The following ZNF565 variants were observed in gnomAD, a reference collection of about 807,000 sequenced individuals.
ZNF565 encodes the protein zinc finger protein 565.
In ZNF565, 27 loss-of-function variants were observed where a neutral mutation model predicts 39.4. The observed-to-expected ratio is 0.69, with a 90% CI of 0.51 to 0.95. ZNF565 has a LOEUF of 0.95. Ranked by LOEUF, ZNF565 falls within the 40% of genes least tolerant of loss-of-function variation. ZNF565 has a pLI of 0.00. For synonymous variants in ZNF565, 185 were observed against 216.6 expected (o/e 0.85, Z 1.28); for missense variants, 524 against 621.1 (o/e 0.84, Z 1.66).
intron 1 of ZNF565, among the ~76,000 whole-genome samples, chr19:36,229,194 C>G (rs1475275454): frequency 5.9e-5 from 9 of 152,218 alleles, no homozygotes; most frequent in Admixed American, 2.0e-4. Flanking sequence ...ACTACCTTCT[C>G]TCATCCTTTC....
intron 1 of ZNF565, among the ~76,000 whole-genome samples, chr19:36,204,692 A>G (rs1360963116): frequency 6.6e-6 from 1 of 152,106 alleles, no homozygotes; most frequent in African/African-American, 2.4e-5. Context: ...CAGGGGTTAG[A>G]AAATGAAGGT....
At chr19:36,197,844 C>A (rs1975820779) in intron 2 of ZNF565, among the ~76,000 whole-genome samples, 1 of 151,992 alleles carries the variant, frequency 6.6e-6, no homozygotes, top group African/African-American at 2.4e-5. Context: ...TGGGTATCTA[C>A]CCAAAAGAAA....
At chr19:36,200,198 G>A (rs1039358194) in intron 2 of ZNF565, among the ~76,000 whole-genome samples, 1 of 151,084 alleles carries the variant, frequency 6.6e-6, no homozygotes, top group African/African-American at 2.4e-5. Flanking sequence ...GCTAATTTTT[G>A]TATTTTCAGT....
intron 1 of ZNF565, among the ~76,000 whole-genome samples, chr19:36,208,074 A>G (rs996205719): frequency 3.3e-5 from 5 of 152,220 alleles, no homozygotes; most frequent in African/African-American, 1.2e-4. Context: ...AATATGAGAA[A>G]GAGCAATTTT....
At chr19:36,218,832 A>G (rs898514639), upstream of ZNF565, among the ~76,000 whole-genome samples, 2 of 147,192 alleles carry the variant, frequency 1.4e-5, no homozygotes, top group Non-Finnish European at 3.0e-5. Flanking sequence ...AGGGGGGGAC[A>G]GAGTCTCGGT....
At chr19:36,197,276 A>AAAAC (rs765066072) in intron 2 of ZNF565, among the ~76,000 whole-genome samples, 3 of 151,678 alleles carry the variant, frequency 2.0e-5, no homozygotes, top group African/African-American at 7.3e-5. Context: ...TGTCTCAAAA[A>AAAAC]AAACAAACAA....
intron 1 of ZNF565, among the ~76,000 whole-genome samples, chr19:36,225,663 C>T (rs966458628): frequency 6.6e-6 from 1 of 151,228 alleles, no homozygotes; most frequent in African/African-American, 2.4e-5. Context: ...GTCTTGAACT[C>T]CTGGGCTCAA....
chr19:36,238,922 TAGG>T (rs1977746578), intron 1 of ZNF565: 1 of 153,906 alleles, frequency 6.5e-6, no homozygotes, highest in African/African-American at 2.4e-5. Flanking sequence ...TTAGTTCTCA[TAGG>T]AGCGCGAACC....
rs1034725114 is a variant in ZNF565, at chr19:36,233,734, C to G, written c.55+11742G>C. Among the ~76,000 whole-genome samples the G allele has an allele frequency of 2.6e-5, 4 of 152,338 alleles. 1 individual carries two copies. Among genetic ancestry groups the G allele is most frequent in the Admixed American group, 2.6e-4 (4 of 15,310 alleles). On this transcript the variant is annotated intron_variant, in intron 1 of 4. Transcript: ENST00000355114. ...CCTTAAAGAGCAGTGTTGCTGCCAG[C>G]ATGTCCCACCTCCAGCCCTAAGGCG... is the stretch of plus-strand genomic sequence containing the variant.
chr19:36,227,243 G>A (rs974792165), intron 1 of ZNF565, among the ~76,000 whole-genome samples: 1 of 151,640 alleles, frequency 6.6e-6, no homozygotes, highest in Admixed American at 6.6e-5. Flanking sequence ...ACAAAAATTA[G>A]CTGGGTGTAG....
At chr19:36,241,531 G>A (rs996037336) in intron 1 of ZNF565, among the ~76,000 whole-genome samples, 3 of 149,802 alleles carry the variant, frequency 2.0e-5, no homozygotes, top group Non-Finnish European at 4.4e-5. Flanking sequence ...AGTGGCTCAC[G>A]CCTGTAATCC....
At chr19:36,225,154 T>TAAATA (rs1236186522) in intron 1 of ZNF565, among the ~76,000 whole-genome samples, 1 of 152,180 alleles carries the variant, frequency 6.6e-6, no homozygotes. Context: ...TATGATTATA[T>TAAATA]AAATATAGAT....
At chr19:36,228,173 AAAAAG>A (rs1349866698) in intron 1 of ZNF565, among the ~76,000 whole-genome samples, 11 of 148,548 alleles carry the variant, frequency 7.4e-5, no homozygotes, top group East Asian at 2.0e-4. Flanking sequence ...AAAAAAAAAA[AAAAAG>A]AAAGAATTTC....
intron 2 of ZNF565, among the ~76,000 whole-genome samples, chr19:36,198,992 G>A (rs1475643543): frequency 6.6e-6 from 1 of 152,140 alleles, no homozygotes; most frequent in Non-Finnish European, 1.5e-5. Flanking sequence ...TCTTCATGAT[G>A]TGCTTATTTC....
At chr19:36,242,942 A>G (rs1977823836) in intron 1 of ZNF565, among the ~76,000 whole-genome samples, 2 of 152,094 alleles carry the variant, frequency 1.3e-5, no homozygotes, top group Non-Finnish European at 2.9e-5. Context: ...ATAATTTTAG[A>G]TTGCACCCAG....
intron 2 of ZNF565, among the ~76,000 whole-genome samples, chr19:36,201,221 A>G (rs10411031): frequency 0.65 from 98,691 of 151,782 alleles, 32,471 homozygotes; most frequent in African/African-American, 0.75. Flanking sequence ...AGGATTGCTT[A>G]AGCCCAGGAG....
At chr19:36,235,798 C>T (rs1292072365) in intron 1 of ZNF565, 1 of 152,170 alleles carries the variant, frequency 6.6e-6, no homozygotes, top group East Asian at 1.9e-4. Context: ...TTCCTCTGTT[C>T]TCAGATCGTA....
intron 1 of ZNF565, among the ~76,000 whole-genome samples, chr19:36,211,680 C>G (rs981005875): frequency 6.7e-6 from 1 of 148,236 alleles, no homozygotes; most frequent in South Asian, 2.2e-4. Flanking sequence ...GTAGTCCCAA[C>G]TACTCGGGAG....
upstream of ZNF565, among the ~76,000 whole-genome samples, chr19:36,218,966 G>A (rs1213355872): frequency 4.0e-5 from 6 of 150,446 alleles, no homozygotes; most frequent in African/African-American, 1.5e-4. Flanking sequence ...CCACCACCAC[G>A]TCCGGCTAAT....
Sources: gnomAD v4.1 joint callset for allele counts (sites outside exome capture counted in the v4.1 genomes callset) on GRCh38, gnomAD v4.1.1 for gene constraint, MANE v1.5 for transcripts, NCBI Gene and HGNC (gene_info 2026-07-23, HGNC 2026-07-21) for gene names.